ARVCF: variants seen among roughly 807,000 people sequenced by gnomAD.
ARVCF encodes ARVCF delta catenin family member, also known as splicing regulator ARVCF.
Under a neutral mutation model 90.9 loss-of-function variants are expected in ARVCF, and 66 were observed. The ratio of observed to expected loss-of-function variants is 0.73; its 90% CI spans 0.60 to 0.89. The LOEUF (loss-of-function observed/expected upper bound fraction) is 0.89, where lower values mean the gene tolerates loss of function less well. Ranked by LOEUF, ARVCF falls within the 40% of genes least tolerant of loss-of-function variation. The pLI, the probability that ARVCF is intolerant of heterozygous loss-of-function variation, is 0.00. For missense variants in ARVCF, 1,469 were observed against 1,382.3 expected, an observed-to-expected ratio of 1.06 and a Z score of -1.00; for synonymous variants, 653 against 603.4, an observed-to-expected ratio of 1.08 and a Z score of -1.21.
In ARVCF at chr22:19,992,616, C is replaced by G. The variant is rs530208912; in HGVS notation, c.-18-1804G>C. 2.0e-5 allele frequency among the ~76,000 whole-genome samples: 3 copies of G among 152,332 alleles called. No homozygotes were observed. In the East Asian group the frequency reaches 5.8e-4, roughly 29 times the overall value. On this transcript the variant is annotated intron_variant, in intron 2 of 19. Transcript: ENST00000263207. ...CCTCAGCCCAGTCCTGGCTGCAGCA[C>G]CAGCCCATCTCAGCCGAACCTCAGA...
intron 3 of ARVCF, among the ~76,000 whole-genome samples, chr22:19,989,930 T>G (rs1943963181): frequency 6.6e-6 from 1 of 152,206 alleles, no homozygotes. Flanking sequence ...CAAGTCTCCC[T>G]GCATGTACTT....
intron 17 of ARVCF, 130 bp from the exon 18 acceptor site, chr22:19,972,101 G>T: frequency 1.0e-6 from 1 of 960,024 alleles, no homozygotes; most frequent in Non-Finnish European, 1.5e-6. Flanking sequence ...CACCCACCCT[G>T]TCCTGGAGAT....
At chr22:20,016,003 C>A (rs1233880513) in intron 1 of ARVCF, among the ~76,000 whole-genome samples, 1 of 152,240 alleles carries the variant, frequency 6.6e-6, no homozygotes, top group East Asian at 1.9e-4. Flanking sequence ...TGTCTCCGCA[C>A]CGGCACCGAG....
At chr22:20,007,674 A>G (rs1377050067) in intron 2 of ARVCF, among the ~76,000 whole-genome samples, 4 of 152,212 alleles carry the variant, frequency 2.6e-5, no homozygotes, top group African/African-American at 9.7e-5. Context: ...GTTACTGATA[A>G]AAGGATGGGT....
intron 3 of ARVCF, among the ~76,000 whole-genome samples, chr22:19,987,735 T>C (rs1275047173): frequency 6.6e-6 from 1 of 151,992 alleles, no homozygotes; most frequent in Admixed American, 6.5e-5. Context: ...GCCGCCACTC[T>C]GAATGGGCCT....
chr22:19,983,473 T>G (rs930907704), intron 3 of ARVCF, among the ~76,000 whole-genome samples: 1 of 152,192 alleles, frequency 6.6e-6, no homozygotes, highest in Non-Finnish European at 1.5e-5. Flanking sequence ...GGGGAATACT[T>G]GACCCCCAAA....
At chr22:19,982,804 G>A (rs902841881) in intron 3 of ARVCF, among the ~76,000 whole-genome samples, 4 of 152,240 alleles carry the variant, frequency 2.6e-5, no homozygotes, top group African/African-American at 7.2e-5. Context: ...AGTGGCTGGC[G>A]CCCCCAGTGA....
Position 19,972,913 on chromosome 22 carries a change from G to A in ARVCF, c.2550+12C>T. ...TGAGCAGGGAATGGAAGGAAGGCCA[G>A]GGAAGCCGCACCTGGAAGCGCGCCT... is the stretch of plus-strand genomic sequence containing the variant. On this transcript the variant is annotated intron_variant, in intron 15 of 19. Coordinates refer to ENST00000263207, the MANE Select transcript of ARVCF (RefSeq NM_001670.3). 3 of 1,613,878 alleles carry A rather than the reference G, an allele frequency of 1.9e-6. No individual in the cohort carries two copies. The highest frequency in any genetic ancestry group is 2.5e-6 in the Non-Finnish European group (3 of 1,180,008).
rs150038979 is a variant in ARVCF at position 19,972,980 on chromosome 22, T to C, written c.2495A>G (p.Tyr832Cys). 7 of 1,613,568 alleles carry C rather than the reference T, an allele frequency of 4.3e-6. No individual in the cohort carries two copies. In the African/African-American group the frequency reaches 8.0e-5, roughly 18 times the overall value. ...CTGCAAGGTACCACGCAGCTCCTTG[T>C]AGCTCCACACTGTCTGCAGCACGTG... is the stretch of plus-strand genomic sequence containing the variant. The part of the protein sequence containing the change: ...ASHVLQTVWS[Y>C]KELRGTLQKD... The change falls in exon 15 of 20, where the codon TAC (tyrosine) becomes TGC (cysteine). Residue 832 changes from tyrosine (Y) to cysteine (C), a missense_variant. Transcript: ENST00000263207.
At chr22:19,996,778 C>T (rs73880061) in intron 2 of ARVCF, among the ~76,000 whole-genome samples, 7,459 of 152,300 alleles carry the variant, frequency 0.049, 215 homozygotes, top group South Asian at 0.085. Context: ...GGCCAGGGAC[C>T]AATCTCCCCA....
chr22:20,007,313 A>G (rs2146480940), intron 2 of ARVCF, among the ~76,000 whole-genome samples: 1 of 152,244 alleles, frequency 6.6e-6, no homozygotes, highest in East Asian at 1.9e-4. Flanking sequence ...GAGGCAGGAG[A>G]ATTGCTTGAA....
At position 19,982,091 on chromosome 22, in the gene ARVCF, C is replaced by T. The variant is rs954764160; in HGVS notation, c.211G>A (p.Glu71Lys). 3 of 1,610,970 alleles carry T rather than the reference C, an allele frequency of 1.9e-6. No individual in the cohort carries two copies. Among genetic ancestry groups the T allele is most frequent in the East Asian group, 4.5e-5 (2 of 44,886 alleles). Residue 71 changes from glutamate (E) to lysine (K), a missense_variant and splice_region_variant, in exon 4 of 20, where the codon GAG becomes AAG. Transcript: ENST00000263207. ...GAGGCCTGGCTGCCTGGGCTCTGCT[C>T]CTGGGGCAAGGAGGGACATTGGTGG... Reference protein sequence around the residue: ...PMAWQQLVLQEQSPGSQASLA... With the variant: ...PMAWQQLVLQKQSPGSQASLA...
chr22:19,985,302 G>A (rs1426848284), intron 3 of ARVCF, among the ~76,000 whole-genome samples: 1 of 152,130 alleles, frequency 6.6e-6, no homozygotes, highest in African/African-American at 2.4e-5. Flanking sequence ...TTCAATCTCT[G>A]GTGCACCAGG....
intron 2 of ARVCF, among the ~76,000 whole-genome samples, chr22:20,006,363 G>T (rs1944624523): frequency 6.6e-6 from 1 of 151,828 alleles, no homozygotes; most frequent in South Asian, 2.1e-4. Context: ...GGATCACGAG[G>T]TCAGGAGATC....
chr22:20,014,252 T>C (rs1944942689), intron 1 of ARVCF, among the ~76,000 whole-genome samples: 1 of 152,060 alleles, frequency 6.6e-6, no homozygotes, highest in African/African-American at 2.4e-5. Flanking sequence ...TGGAGTGCAG[T>C]GGTGTGATCT....
In ARVCF at chr22:19,980,197, C is replaced by T. The variant is rs1000602239; in HGVS notation, c.942G>A (p.Glu314=). The change falls in exon 6 of 20, where the codon GAG becomes GAA. Residue 314 remains glutamate (E), a synonymous_variant. Transcript: ENST00000263207. ...CCGTCACCATTGGGAACGCAGGCCG[C>T]TCGTCCGCCAGCTCGCCGCCATCAT... ...TADDGGELAD[E]RPAFPMVTAP... is the part of the protein sequence containing the mutation. The T allele has an allele frequency of 6.4e-7, 1 of 1,552,822 alleles. No individual in the cohort carries two copies. The highest frequency in any genetic ancestry group is 1.4e-5 in the African/African-American group (1 of 73,582).
At chr22:19,980,390 G>A in intron 5 of ARVCF, 148 bp from the exon 6 acceptor site, 1 of 1,227,152 alleles carries the variant, frequency 8.1e-7, no homozygotes, top group East Asian at 2.8e-5. Context: ...AGCATGGTGG[G>A]GACACAGAGA....
At chr22:19,966,310 G>T (rs939813221), downstream of ARVCF, among the ~76,000 whole-genome samples, 1 of 151,930 alleles carries the variant, frequency 6.6e-6, no homozygotes, top group Admixed American at 6.5e-5. Context: ...GGAGGCACGA[G>T]GGGTGAGGGG....
At chr22:19,966,972 A>AT, downstream of ARVCF, 1 of 985,388 alleles carries the variant, frequency 1.0e-6, no homozygotes, top group Non-Finnish European at 1.2e-6. Flanking sequence ...ACGCTGATGC[A>AT]TGTTTAGCCA....
Sources: allele counts gnomAD v4.1 joint callset (sites outside exome capture counted in the v4.1 genomes callset), GRCh38; gene constraint gnomAD v4.1.1; transcripts MANE v1.5; gene names NCBI Gene and HGNC (gene_info 2026-07-23, HGNC 2026-07-21).